Variants in COMMD1 observed in about 807,000 individuals in gnomAD.
COMMD1 encodes copper metabolism domain containing 1.
A neutral mutation model predicts 17.2 loss-of-function variants in COMMD1; 10 were observed. The observed-to-expected ratio is 0.58, with a 90% CI of 0.36 to 0.99. The LOEUF (loss-of-function observed/expected upper bound fraction) is 0.99. Among genes scored for constraint, COMMD1 ranks in the 50% least tolerant of loss-of-function variants. The pLI is 0.01. For missense variants in COMMD1, 270 were observed against 231.8 expected (o/e 1.17, Z -1.07); for synonymous variants, 97 against 91.6 (o/e 1.06, Z -0.34).
chr2:61,989,087 A>G (rs1221236286), intron 1 of COMMD1, among the ~76,000 whole-genome samples: 1 of 152,180 alleles, frequency 6.6e-6, no homozygotes, highest in Non-Finnish European at 1.5e-5. Context: ...TATGAAGTTA[A>G]AACCAGGTAT....
chr2:61,917,075 C>T (rs546727636), intron 1 of COMMD1, among the ~76,000 whole-genome samples: 2 of 152,100 alleles, frequency 1.3e-5, no homozygotes, highest in South Asian at 4.2e-4. Flanking sequence ...CATTTGGGGC[C>T]GGACACAAAG....
At chr2:62,113,314 T>C (rs1019255094) in intron 2 of COMMD1, among the ~76,000 whole-genome samples, 4 of 152,134 alleles carry the variant, frequency 2.6e-5, no homozygotes, top group African/African-American at 7.2e-5. Context: ...ATTGTGCCAC[T>C]GCACTCCAGC....
chr2:61,953,059 G>C (rs1157026907), intron 1 of COMMD1, among the ~76,000 whole-genome samples: 4 of 152,190 alleles, frequency 2.6e-5, no homozygotes, highest in African/African-American at 9.6e-5. Context: ...GCCTAGGCTG[G>C]AGTGCAGTGG....
intron 2 of COMMD1, among the ~76,000 whole-genome samples, chr2:62,012,534 T>G (rs1573068929): frequency 6.6e-6 from 1 of 151,892 alleles, no homozygotes; most frequent in Admixed American, 6.6e-5. Context: ...GTGAGGCTGG[T>G]CTTGAACTCC....
chr2:62,034,719 G>A (rs780263854), intron 2 of COMMD1, among the ~76,000 whole-genome samples: 60 of 152,096 alleles, frequency 3.9e-4, no homozygotes, highest in Middle Eastern at 3.2e-3. Flanking sequence ...TATGTGTATG[G>A]ATGACTGGTA....
chr2:61,956,963 A>T (rs912860683), intron 1 of COMMD1, among the ~76,000 whole-genome samples: 1 of 150,966 alleles, frequency 6.6e-6, no homozygotes, highest in African/African-American at 2.4e-5. Context: ...GTTGGCCAGG[A>T]TGGTCTCGAA....
At chr2:61,930,294 A>G (rs538822023) in intron 1 of COMMD1, among the ~76,000 whole-genome samples, 2 of 152,310 alleles carry the variant, frequency 1.3e-5, no homozygotes, top group South Asian at 4.1e-4. Context: ...ATGGTGGCTC[A>G]TGCCTGTAAT....
chr2:62,108,387 GA>G (rs1157371444), intron 2 of COMMD1, among the ~76,000 whole-genome samples: 2 of 150,072 alleles, frequency 1.3e-5, no homozygotes, highest in Non-Finnish European at 3.0e-5. Flanking sequence ...GGACTTCATA[GA>G]AAAAAAAATG....
intron 2 of COMMD1, among the ~76,000 whole-genome samples, chr2:62,043,054 G>A (rs866103371): frequency 4.6e-5 from 7 of 152,222 alleles, no homozygotes; most frequent in Middle Eastern, 6.8e-3. Flanking sequence ...TCTTTCACCC[G>A]CTAAATACAC....
intron 1 of COMMD1, among the ~76,000 whole-genome samples, chr2:61,933,772 C>CT (rs61702772): frequency 2.0e-5 from 3 of 148,584 alleles, no homozygotes; most frequent in Admixed American, 1.3e-4. Context: ...TTCTTTTTTT[C>CT]TTTTTTTTGA....
chr2:61,959,240 A>G lies in COMMD1; in HGVS notation c.181-41461A>G, dbSNP rs150428005. Among the ~76,000 whole-genome samples the G allele has an allele frequency of 7.3e-3, 1,106 of 152,314 alleles. 16 individuals are homozygous for G. Among genetic ancestry groups the G allele is most frequent in the African/African-American group, 0.025 (1,043 of 41,556 alleles). On this transcript the variant is annotated intron_variant, in intron 1 of 2. Transcript: ENST00000311832. Reference sequence around the variant, plus strand: ...GTATGCATGGAAATCTTGATATGTTATATAAAAATAATGATATTAGCCTTT... The same window carrying G: ...GTATGCATGGAAATCTTGATATGTTGTATAAAAATAATGATATTAGCCTTT...
At chr2:62,047,683 G>T (rs887891141) in intron 2 of COMMD1, among the ~76,000 whole-genome samples, 5 of 152,090 alleles carry the variant, frequency 3.3e-5, no homozygotes, top group Admixed American at 2.6e-4. Flanking sequence ...TCGAACTCCT[G>T]ACCTCGTGAT....
chr2:62,055,080 C>T (rs1201272022), intron 2 of COMMD1, among the ~76,000 whole-genome samples: 1 of 152,164 alleles, frequency 6.6e-6, no homozygotes, highest in Non-Finnish European at 1.5e-5. Flanking sequence ...CTTGCATACT[C>T]ATATCAAAAC....
chr2:62,099,565 ATCTC>A (rs565470041), intron 2 of COMMD1, among the ~76,000 whole-genome samples: 7 of 148,304 alleles, frequency 4.7e-5, no homozygotes, highest in Admixed American at 6.7e-5. Flanking sequence ...TTTATTTGCT[ATCTC>A]TCTCTTTTTT....
chr2:62,049,645 T>G (rs2103915083), intron 2 of COMMD1, among the ~76,000 whole-genome samples: 1 of 152,330 alleles, frequency 6.6e-6, no homozygotes, highest in East Asian at 1.9e-4. Flanking sequence ...TTAATATTGC[T>G]GAACAGGCCT....
chr2:62,079,595 C>G (rs1044782388), intron 2 of COMMD1: 1 of 152,388 alleles, frequency 6.6e-6, no homozygotes, highest in African/African-American at 2.4e-5. Context: ...GTTTGAACAC[C>G]TCTGACACCC....
chr2:61,998,303 G>T (rs1456466442), intron 1 of COMMD1, among the ~76,000 whole-genome samples: 2 of 149,616 alleles, frequency 1.3e-5, no homozygotes, highest in African/African-American at 4.9e-5. Flanking sequence ...TCCAGGCTGA[G>T]GCTGGAAGTG....
intron 2 of COMMD1, among the ~76,000 whole-genome samples, chr2:62,098,162 CT>C (rs1212972398): frequency 0.058 from 7,260 of 125,748 alleles, 472 homozygotes; most frequent in African/African-American, 0.2. Flanking sequence ...TCCTTTCTTT[CT>C]TTTTTTTTTT....
intron 1 of COMMD1, among the ~76,000 whole-genome samples, chr2:61,962,618 C>T (rs1157090485): frequency 6.6e-6 from 1 of 152,098 alleles, no homozygotes; most frequent in Non-Finnish European, 1.5e-5. Flanking sequence ...GTAATGCAGC[C>T]CCAGTAAGAT....
Sources: gnomAD v4.1 joint callset for allele counts (sites outside exome capture counted in the v4.1 genomes callset) on GRCh38, gnomAD v4.1.1 for gene constraint, MANE v1.5 for transcripts, NCBI Gene and HGNC (gene_info 2026-07-23, HGNC 2026-07-21) for gene names.